Variants in EDARADD observed in about 807,000 individuals in gnomAD.
EDARADD encodes the protein ectodysplasin-A receptor-associated adapter protein.
EDARADD carries 20 observed loss-of-function variants against 25.6 expected under a neutral mutation model. The ratio of observed to expected loss-of-function variants is 0.78; its 90% CI spans 0.55 to 1.14. The LOEUF (loss-of-function observed/expected upper bound fraction) is 1.14. Among genes scored for constraint, EDARADD ranks in the 50% most tolerant of loss-of-function variants. The pLI is 0.00. For missense variants in EDARADD, 225 were observed against 270.1 expected (o/e 0.83, Z 1.17); for synonymous variants, 86 against 94.4 (o/e 0.91, Z 0.52).
At chr1:236,423,653 T>G (rs1657835698) in intron 3 of EDARADD, among the ~76,000 whole-genome samples, 1 of 152,216 alleles carries the variant, frequency 6.6e-6, no homozygotes, top group Admixed American at 6.5e-5. Context: ...AGGCAAACTT[T>G]GATTGAGAGA....
chr1:236,413,011 G>A (rs528550754), intron 2 of EDARADD, among the ~76,000 whole-genome samples: 1 of 152,250 alleles, frequency 6.6e-6, no homozygotes, highest in East Asian at 1.9e-4. Flanking sequence ...TTACAGGCAC[G>A]GGCCACCATG....
At chr1:236,376,909 C>CATAT (rs1667231362) in intron 3 of EDARADD, among the ~76,000 whole-genome samples, 1 of 151,988 alleles carries the variant, frequency 6.6e-6, no homozygotes, top group Admixed American at 6.6e-5. Flanking sequence ...TTTCTATTAA[C>CATAT]ATATCCTCAA....
At position 236,482,839 on chromosome 1, in the gene EDARADD, C is replaced by T. The variant is rs1418530044; in HGVS notation, c.*190C>T. ...TGGTGGATCTCTGTTTATTTTTGCA[C>T]ATCTGTTATAATTTAATATTCAAAT... On this transcript the variant is annotated 3_prime_UTR_variant, in exon 6 of 6. Coordinates refer to ENST00000334232, the MANE Select transcript of EDARADD (RefSeq NM_145861.4). 5 of 721,714 alleles carry T rather than the reference C, an allele frequency of 6.9e-6. No individual in the cohort carries two copies. The highest frequency in any genetic ancestry group is 1.1e-5 in the Non-Finnish European group (5 of 443,160). 44.7% of individuals were successfully genotyped at this position (721,714 alleles called of 1,614,324 possible).
intron 1 of EDARADD, among the ~76,000 whole-genome samples, chr1:236,404,961 G>T (rs559818682): frequency 2.6e-5 from 4 of 152,054 alleles, no homozygotes; most frequent in Non-Finnish European, 5.9e-5. Flanking sequence ...GGGCATAGTG[G>T]TGGGCACCTG....
At chr1:236,361,635 TTA>T (rs146661697) in intron 3 of EDARADD, among the ~76,000 whole-genome samples, 3 of 134,090 alleles carry the variant, frequency 2.2e-5, no homozygotes, top group African/African-American at 3.1e-5. Context: ...CAGCCAAATT[TTA>T]TATATATATA....
intron 3 of EDARADD, chr1:236,350,933 T>C (rs575153735): frequency 2.6e-5 from 4 of 152,332 alleles, no homozygotes; most frequent in Admixed American, 6.5e-5. Context: ...CAATAGCTTA[T>C]ATTATTTTAA....
intron 4 of EDARADD, among the ~76,000 whole-genome samples, chr1:236,458,531 A>C (rs1658937818): frequency 6.6e-6 from 1 of 152,182 alleles, no homozygotes. Flanking sequence ...TGAGAGACGT[A>C]ATAATAGATT....
intron 1 of EDARADD, among the ~76,000 whole-genome samples, chr1:236,408,806 T>C (rs1280680825): frequency 3.9e-5 from 6 of 151,924 alleles, no homozygotes; most frequent in African/African-American, 1.2e-4. Flanking sequence ...CAGGCTGGAG[T>C]GCAGTGGCAC....
At chr1:236,361,368 T>A (rs1394889144) in intron 3 of EDARADD, among the ~76,000 whole-genome samples, 1 of 151,968 alleles carries the variant, frequency 6.6e-6, no homozygotes, top group Non-Finnish European at 1.5e-5. Flanking sequence ...CAGGCTGGAG[T>A]GCAGTGGCGC....
chr1:236,481,211 G>A lies in EDARADD; in HGVS notation c.266-1056G>A, dbSNP rs116443518. 7.0e-3 allele frequency among the ~76,000 whole-genome samples: 1,061 copies of A among 152,280 alleles called. 19 individuals are homozygous for A. Among genetic ancestry groups the A allele is most frequent in the African/African-American group, 0.024 (1,017 of 41,560 alleles). Reference sequence around the variant, plus strand: ...CTGTGCATTTTTTACAGGCTGACAGGCTGTGTTTGGTGTTAAACTGTCAGG... The same window carrying A: ...CTGTGCATTTTTTACAGGCTGACAGACTGTGTTTGGTGTTAAACTGTCAGG... On this transcript the variant is annotated intron_variant, in intron 5 of 5. Transcript: ENST00000334232.
chr1:236,353,852 T>A (rs1156253502), intron 3 of EDARADD, among the ~76,000 whole-genome samples: 1 of 152,108 alleles, frequency 6.6e-6, no homozygotes, highest in African/African-American at 2.4e-5. Flanking sequence ...GCTTCTGGTG[T>A]TGCTTAGCAA....
intron 1 of EDARADD, among the ~76,000 whole-genome samples, chr1:236,407,428 C>T (rs946764860): frequency 9.2e-5 from 14 of 152,114 alleles, no homozygotes; most frequent in African/African-American, 2.7e-4. Context: ...GTTGCCTTCT[C>T]GAAACTTCTT....
intron 3 of EDARADD, among the ~76,000 whole-genome samples, chr1:236,367,342 G>A (rs941071850): frequency 2.0e-5 from 3 of 151,860 alleles, no homozygotes; most frequent in Admixed American, 1.3e-4. Flanking sequence ...TGATTCCCCT[G>A]CCTCGGCCTC....
At chr1:236,384,428 G>T (rs1253049326) in intron 3 of EDARADD, among the ~76,000 whole-genome samples, 1 of 152,104 alleles carries the variant, frequency 6.6e-6, no homozygotes, top group Non-Finnish European at 1.5e-5. Flanking sequence ...TAAAAGATGG[G>T]GTCTTGCTCT....
chr1:236,468,045 A>G (rs554873612), intron 4 of EDARADD, among the ~76,000 whole-genome samples, 186 bp from the exon 5 acceptor site: 3 of 152,316 alleles, frequency 2.0e-5, no homozygotes, highest in African/African-American at 7.2e-5. Context: ...CCTGCGCTCA[A>G]GGTGCTCGTA....
At chr1:236,363,173 G>GC (rs1667075715) in intron 3 of EDARADD, among the ~76,000 whole-genome samples, 1 of 149,142 alleles carries the variant, frequency 6.7e-6, no homozygotes, top group African/African-American at 2.5e-5. Flanking sequence ...TGGCCCAGAG[G>GC]CCCAGATCTA....
At chr1:236,425,358 G>A (rs1657888750) in intron 3 of EDARADD, among the ~76,000 whole-genome samples, 2 of 152,192 alleles carry the variant, frequency 1.3e-5, no homozygotes, top group Admixed American at 1.3e-4. Context: ...GCAGCAGCAA[G>A]GGAAGCAGCA....
At chr1:236,416,375 G>A (rs942785565) in intron 3 of EDARADD, among the ~76,000 whole-genome samples, 1 of 152,212 alleles carries the variant, frequency 6.6e-6, no homozygotes, top group Non-Finnish European at 1.5e-5. Context: ...AGAAAAAGAC[G>A]GAGCTGTAAT....
chr1:236,360,554 T>G (rs1667034721), intron 3 of EDARADD, among the ~76,000 whole-genome samples: 1 of 147,746 alleles, frequency 6.8e-6, no homozygotes, highest in Non-Finnish European at 1.5e-5. Context: ...TTTTTTTTTT[T>G]TTTTTTTTTG....
Sources: gnomAD v4.1 joint callset for allele counts (sites outside exome capture counted in the v4.1 genomes callset) on GRCh38, gnomAD v4.1.1 for gene constraint, MANE v1.5 for transcripts, NCBI Gene and HGNC (gene_info 2026-07-23, HGNC 2026-07-21) for gene names.